The following CCDC120 variants were observed in gnomAD, a reference collection of about 807,000 sequenced individuals.
CCDC120 encodes coiled-coil domain containing 120.
In CCDC120, 16 loss-of-function variants were observed where a neutral mutation model predicts 37.6. That is an observed-to-expected ratio of 0.43 (90% CI 0.29 to 0.65). The LOEUF (loss-of-function observed/expected upper bound fraction) is 0.65, where lower values mean the gene tolerates loss of function less well. Among genes scored for constraint, CCDC120 ranks in the 30% least tolerant of loss-of-function variants. The pLI is 0.18. For synonymous variants in CCDC120, 309 were observed against 275.4 expected (o/e 1.12, Z -1.21); for missense variants, 650 against 657.4 (o/e 0.99, Z 0.12).
chrX:49,066,859 T>G, intron 9 of CCDC120: 2 of 272,437 alleles, frequency 7.3e-6, no homozygotes, highest in East Asian at 6.1e-5. Flanking sequence ...GTCAGCTGGA[T>G]TAGGAACAGC....
intron 1 of CCDC120, among the ~76,000 whole-genome samples, chrX:49,060,932 G>A (rs935126074): frequency 2.7e-5 from 3 of 111,624 alleles, no homozygotes; most frequent in East Asian, 5.6e-4. Context: ...ACAAGCTGCC[G>A]ACTTCAAGGT....
At chrX:49,056,075 G>A (rs1557078317), upstream of CCDC120, among the ~76,000 whole-genome samples, 1 of 111,901 alleles carries the variant, frequency 8.9e-6, no homozygotes, top group South Asian at 3.7e-4. Context: ...TGGAGGGTAA[G>A]GAAAGTTCAA....
At position 49,068,546 on chromosome X, in the gene CCDC120, A is replaced by G. The variant is rs781853355; in HGVS notation, c.1979A>G (p.Tyr660Cys). ...SFTAPPVSGR[Y>C]YADFLYPPEL... is the part of the protein sequence containing the mutation. ...GATTCCTGCTACCCCTTCTAAAGAT[A>G]CTACGCGGACTTCCTGTATCCCCCG... is the stretch of plus-strand genomic sequence containing the variant. Residue 660 changes from tyrosine to cysteine, a missense_variant and splice_region_variant, in exon 11 of 11, where the codon TAC (tyrosine) becomes TGC (cysteine). This residue lies in a region of CCDC120 where 576 missense variants were observed against 565.3 expected (regional missense o/e 1.02). Coordinates refer to ENST00000603986, the MANE Select transcript of CCDC120 (RefSeq NM_001163321.4). 5 of 1,130,211 alleles carry G rather than the reference A, an allele frequency of 4.4e-6. No individual in the cohort carries two copies. In the East Asian group the frequency reaches 1.7e-4, roughly 39 times the overall value. The allele number at this position is 1,130,211 out of a possible 1,213,427, so 93.1% of individuals were successfully genotyped here.
exon 1 of CCDC120, chrX:49,053,855 C>T (rs1208418600): frequency 2.7e-5 from 3 of 112,843 alleles, no homozygotes; most frequent in African/African-American, 9.6e-5. Flanking sequence ...CCGACCCCGC[C>T]TACTGCGGCG....
chrX:49,053,821 A>T (rs1445309572), exon 1 of CCDC120: 1 of 112,693 alleles, frequency 8.9e-6, no homozygotes, highest in African/African-American at 3.2e-5. Flanking sequence ...GGGCGCGTCC[A>T]CTGCCCCGGC....
chrX:49,068,233 C>T, intron 10 of CCDC120, 143 bp downstream of exon 10: 1 of 1,097,859 alleles, frequency 9.1e-7, no homozygotes, highest in Non-Finnish European at 1.2e-6. Context: ...GGTCACTCTA[C>T]TGCACATGAC....
intron 4 of CCDC120, among the ~76,000 whole-genome samples, chrX:49,063,193 CAA>C (rs781800207): frequency 3.0e-4 from 14 of 47,426 alleles, no homozygotes; most frequent in East Asian, 6.2e-4. Context: ...GACTCTGTCT[CAA>C]AAAAAAAAAA....
At chrX:49,065,185 A>T in intron 7 of CCDC120, 87 bp downstream of exon 7, 2 of 959,438 alleles carry the variant, frequency 2.1e-6, no homozygotes, top group Non-Finnish European at 2.9e-6. Flanking sequence ...ATCCTGCATG[A>T]TCAGCCCATC....
intron 10 of CCDC120, 33 bp from the exon 11 acceptor site, chrX:49,068,511 C>T: frequency 6.5e-6 from 7 of 1,078,952 alleles, no homozygotes; most frequent in Non-Finnish European, 8.4e-6. Context: ...CTTCCCCGCC[C>T]TGTCCTCCGG....
In CCDC120 at chrX:49,067,624, G is replaced by A; in HGVS notation, c.1510G>A (p.Ala504Thr). ...AGGCTGGGGGGAGCTGCCGCCTGCA[G>A]CTGAGGTCCCAGGACCCCTCTCCCG... ...GTGWGELPPA[A>T]EVPGPLSRRD... is the part of the protein sequence containing the mutation. The change falls in exon 10 of 11, where the codon GCT (alanine) becomes ACT (threonine). Residue 504 changes from alanine (A) to threonine (T), a missense_variant. This residue lies in a region of CCDC120 where 576 missense variants were observed against 565.3 expected (regional missense o/e 1.02). Coordinates refer to ENST00000603986, the MANE Select transcript of CCDC120 (RefSeq NM_001163321.4). 1 of 1,191,320 alleles carries A rather than the reference G, an allele frequency of 8.4e-7. No individual in the cohort carries two copies. Among genetic ancestry groups the A allele is most frequent in the South Asian group, 1.8e-5 (1 of 54,148 alleles).
intron 10 of CCDC120, 167 bp downstream of exon 10, chrX:49,068,257 T>C: frequency 9.2e-7 from 1 of 1,085,305 alleles, no homozygotes; most frequent in Non-Finnish European, 1.2e-6. Context: ...CATTAGTCCA[T>C]GGGGTCCTGG....
intron 1 of CCDC120, among the ~76,000 whole-genome samples, chrX:49,059,974 T>TGGGTGTGG (rs781918292): frequency 3.6e-5 from 4 of 111,840 alleles, no homozygotes; most frequent in African/African-American, 1.3e-4. Flanking sequence ...GCTTAGGAAC[T>TGGGTGTGG]GGGTGTGGGG....
At chrX:49,055,391 C>T (rs1557078239), upstream of CCDC120, among the ~76,000 whole-genome samples, 1 of 111,907 alleles carries the variant, frequency 8.9e-6, no homozygotes. Flanking sequence ...TCCCTGCTTT[C>T]CTGGACTGAA....
At chrX:49,064,244 A>T in intron 5 of CCDC120, 126 bp from the exon 6 acceptor site, 1 of 838,260 alleles carries the variant, frequency 1.2e-6, no homozygotes, top group Non-Finnish European at 1.6e-6. Flanking sequence ...AGAGGCCCTG[A>T]CACGCCCCCT....
chrX:49,057,393 C>G (rs1002350111), upstream of CCDC120, among the ~76,000 whole-genome samples: 4 of 112,545 alleles, frequency 3.6e-5, no homozygotes, highest in Non-Finnish European at 3.8e-5. Context: ...AGCTTTGAGA[C>G]TCAATCTACA....
upstream of CCDC120, among the ~76,000 whole-genome samples, chrX:49,056,848 C>T (rs1469486898): frequency 9.0e-6 from 1 of 111,548 alleles, no homozygotes; most frequent in Non-Finnish European, 1.9e-5. Flanking sequence ...AGCCAACATA[C>T]ACTGAGCTCT....
Position 49,062,384 on chromosome X carries a change from G to A in CCDC120, c.154+59G>A, listed in dbSNP as rs1377315661. On this transcript the variant is annotated intron_variant, in intron 3 of 10. Coordinates refer to ENST00000603986, the MANE Select transcript of CCDC120 (RefSeq NM_001163321.4). The stretch of plus-strand genomic sequence containing the variant: ...CCCTGCTCTGAATCACCACCTGCTT[G>A]CTCGGGAAGAGTTGGTCCCTTGCCC... 4 of 1,206,912 alleles carry A rather than the reference G, an allele frequency of 3.3e-6. No individual in the cohort carries two copies. In the East Asian group the frequency reaches 1.2e-4, roughly 36 times the overall value.
At chrX:49,064,814 G>C (rs1379766144) in intron 6 of CCDC120, 150 bp downstream of exon 6, 28 of 754,865 alleles carry the variant, frequency 3.7e-5, no homozygotes, top group Non-Finnish European at 5.1e-5. Context: ...TGGCTTACCG[G>C]AAAGGACAAA....
chrX:49,059,381 C>A (rs1292073699), intron 1 of CCDC120: 4 of 747,838 alleles, frequency 5.3e-6, no homozygotes, highest in Non-Finnish European at 6.3e-6. Flanking sequence ...TGAGTCCCCC[C>A]TTCTCCACCC....
Sources: allele counts gnomAD v4.1 joint callset (sites outside exome capture counted in the v4.1 genomes callset), GRCh38; gene constraint gnomAD v4.1.1; regional missense constraint gnomAD v4.1.1; transcripts MANE v1.5; gene names NCBI Gene and HGNC (gene_info 2026-07-23, HGNC 2026-07-21).